Variants in MGAT4A observed in about 807,000 individuals in gnomAD.
MGAT4A encodes alpha-1,3-mannosyl-glycoprotein 4-beta-N-acetylglucosaminyltransferase A.
Under a neutral mutation model 74.1 loss-of-function variants are expected in MGAT4A, and 33 were observed. That is an observed-to-expected ratio of 0.45 (90% confidence interval 0.34 to 0.60). MGAT4A has a LOEUF of 0.60. MGAT4A is among the 20% of genes least tolerant of loss of function. The pLI, the probability that MGAT4A is intolerant of heterozygous loss-of-function variation, is 0.02. For synonymous variants in MGAT4A, 198 were observed against 210.4 expected (o/e 0.94, Z 0.51); for missense variants, 479 against 628.3 (o/e 0.76, Z 2.54).
At chr2:98,720,965 A>G (rs959066706) in intron 2 of MGAT4A, among the ~76,000 whole-genome samples, 2 of 152,254 alleles carry the variant, frequency 1.3e-5, no homozygotes, top group Admixed American at 6.5e-5. Flanking sequence ...GACTCCAAAC[A>G]GGGTCAATAA....
intron 2 of MGAT4A, among the ~76,000 whole-genome samples, chr2:98,708,284 A>C (rs1256620222): frequency 6.6e-6 from 1 of 152,188 alleles, no homozygotes; most frequent in Admixed American, 6.5e-5. Flanking sequence ...CACAGCTGAC[A>C]ACAAGCTGCT....
rs566232564 is a variant in MGAT4A, at chr2:98,632,574, C to G, written c.1468+2648G>C. On this transcript the variant is annotated intron_variant, in intron 14 of 15. Coordinates refer to ENST00000393487, the MANE Select transcript of MGAT4A (RefSeq NM_012214.3). ...CCCTTAGGCTGAACTTCCCCACATT[C>G]TGGTTCAAGTAAGTCATCTCCTCTT... 2.6e-5 allele frequency among the ~76,000 whole-genome samples: 4 copies of G among 152,348 alleles called. No homozygotes were observed. The East Asian group carries it at 7.7e-4, about 29-fold the overall frequency.
chr2:98,654,608 G>T (rs1230394382), intron 8 of MGAT4A, among the ~76,000 whole-genome samples: 4 of 152,082 alleles, frequency 2.6e-5, no homozygotes, highest in African/African-American at 9.6e-5. Context: ...TGGGGAGGTG[G>T]AAAATTTTTC....
chr2:98,690,460 G>A (rs1257985745), intron 2 of MGAT4A, among the ~76,000 whole-genome samples: 1 of 152,120 alleles, frequency 6.6e-6, no homozygotes, highest in African/African-American at 2.4e-5. Flanking sequence ...GGATGCTTTG[G>A]ACTTTCATCC....
chr2:98,666,415 G>A (rs1407599928), intron 4 of MGAT4A, among the ~76,000 whole-genome samples: 4 of 152,288 alleles, frequency 2.6e-5, no homozygotes, highest in Middle Eastern at 3.4e-3. Flanking sequence ...ATTTAAGGCC[G>A]GGTGTGGTGG....
At chr2:98,688,877 T>C (rs1390486053) in intron 2 of MGAT4A, among the ~76,000 whole-genome samples, 1 of 152,222 alleles carries the variant, frequency 6.6e-6, no homozygotes, top group Admixed American at 6.5e-5. Flanking sequence ...ACTAAACTTG[T>C]GGTAATTTAT....
chr2:98,689,208 C>T (rs573411605), intron 2 of MGAT4A, among the ~76,000 whole-genome samples: 470 of 152,132 alleles, frequency 3.1e-3, no homozygotes, highest in Non-Finnish European at 5.4e-3. Context: ...TCTTCTGTAA[C>T]CTTTGCTGAA....
chr2:98,716,456 A>G (rs1702592712), intron 2 of MGAT4A, among the ~76,000 whole-genome samples: 2 of 152,162 alleles, frequency 1.3e-5, no homozygotes, highest in African/African-American at 4.8e-5. Context: ...TGTCTCTACT[A>G]AAAATACAAA....
At chr2:98,640,249 C>G in intron 10 of MGAT4A, 21 bp from the exon 11 acceptor site, 1 of 1,569,900 alleles carries the variant, frequency 6.4e-7, no homozygotes, top group South Asian at 1.1e-5. Context: ...AAAAAAATCA[C>G]GTTAGTGTTG....
At chr2:98,717,527 A>T (rs768041291) in intron 2 of MGAT4A, among the ~76,000 whole-genome samples, 11 of 152,210 alleles carry the variant, frequency 7.2e-5, no homozygotes, top group Admixed American at 3.3e-4. Context: ...AGGTTTGTAG[A>T]TTAGTTAATA....
chr2:98,725,109 G>A (rs1702742350), intron 2 of MGAT4A, among the ~76,000 whole-genome samples: 1 of 152,052 alleles, frequency 6.6e-6, no homozygotes, highest in African/African-American at 2.4e-5. Flanking sequence ...TCCTGATTAA[G>A]CCTTCTCATT....
intron 2 of MGAT4A, among the ~76,000 whole-genome samples, chr2:98,691,536 TGTG>T (rs1702194441): frequency 6.6e-6 from 1 of 152,188 alleles, no homozygotes; most frequent in South Asian, 2.1e-4. Context: ...CTCACATGGA[TGTG>T]GTGATGTTGG....
intron 8 of MGAT4A, among the ~76,000 whole-genome samples, chr2:98,647,507 T>C (rs897735131): frequency 6.6e-6 from 1 of 152,034 alleles, no homozygotes. Flanking sequence ...TTAGTAGAGA[T>C]GAGGTTTCAC....
At position 98,678,319 on chromosome 2, in the gene MGAT4A, A is replaced by G. The variant is rs1202613367; in HGVS notation, c.247T>C (p.Leu83=). The G allele has an allele frequency of 2.1e-6, 3 of 1,412,436 alleles. No homozygotes were observed. The highest frequency in any genetic ancestry group is 2.8e-6 in the Non-Finnish European group (3 of 1,070,702). The allele number at this position is 1,412,436 out of a possible 1,614,324, so 87.5% of individuals were successfully genotyped here. Residue 83 remains leucine (L), a synonymous_variant, in exon 3 of 16, where the codon TTG becomes CTG. Transcript: ENST00000393487. ...CTGTTTGTACCTGAAAACTTATTCA[A>G]CGCATCCTTACTTCCATTTGTTTCT... The part of the protein sequence containing the change: ...GAETNGSKDA[L]NKFSDNTLKL...
chr2:98,626,718 T>G (rs188593077), intron 14 of MGAT4A, among the ~76,000 whole-genome samples: 1 of 152,328 alleles, frequency 6.6e-6, no homozygotes, highest in Admixed American at 6.5e-5. Context: ...AATATAGGTA[T>G]ACCAAGGAGA....
Position 98,623,099 on chromosome 2 carries a change from C to T in MGAT4A, c.*2467G>A, listed in dbSNP as rs1701085157. 5 of 985,316 alleles carry T rather than the reference C, an allele frequency of 5.1e-6. No homozygotes were observed. Among genetic ancestry groups the T allele is most frequent in the Non-Finnish European group, 4.8e-6 (4 of 829,976 alleles). The allele number at this position is 985,316 out of a possible 1,614,324, so 61.0% of individuals were successfully genotyped here. ...CTCACATCCAGATGCTGACTGGCCACCTGCCACGTGCCTGGCACACACCCT... is the reference window on the plus strand; with the variant it reads ...CTCACATCCAGATGCTGACTGGCCATCTGCCACGTGCCTGGCACACACCCT... On this transcript the variant is annotated 3_prime_UTR_variant, in exon 16 of 16. Transcript: ENST00000393487.
chr2:98,689,659 C>T (rs1702169597), intron 2 of MGAT4A, among the ~76,000 whole-genome samples: 1 of 152,006 alleles, frequency 6.6e-6, no homozygotes, highest in South Asian at 2.1e-4. Flanking sequence ...CCTGTCTCTA[C>T]AAAAAATACA....
intron 2 of MGAT4A, among the ~76,000 whole-genome samples, chr2:98,711,262 GAA>G (rs60628182): frequency 7.3e-5 from 8 of 110,292 alleles, no homozygotes; most frequent in African/African-American, 9.4e-5. Context: ...AGTTAATTTG[GAA>G]AAAAAAAAAA....
At chr2:98,667,003 T>C (rs926976592) in intron 4 of MGAT4A, among the ~76,000 whole-genome samples, 2 of 152,132 alleles carry the variant, frequency 1.3e-5, no homozygotes, top group Admixed American at 6.6e-5. Flanking sequence ...AATTGAATCA[T>C]GGGGGCAAAT....
Sources: gnomAD v4.1 joint callset for allele counts (sites outside exome capture counted in the v4.1 genomes callset) on GRCh38, gnomAD v4.1.1 for gene constraint, MANE v1.5 for transcripts, NCBI Gene and HGNC (gene_info 2026-07-23, HGNC 2026-07-21) for gene names.